The following KALRN variants were observed in gnomAD, a reference collection of about 807,000 sequenced individuals.
KALRN encodes kalirin RhoGEF kinase.
Under a neutral mutation model 353.7 loss-of-function variants are expected in KALRN, and 70 were observed. That is an observed-to-expected ratio of 0.20 (90% CI 0.16 to 0.24). The LOEUF is 0.24. Ranked by LOEUF, KALRN falls within the 10% of genes least tolerant of loss-of-function variation. The pLI, the probability that KALRN is intolerant of heterozygous loss-of-function variation, is 1.00. For missense variants in KALRN, 2,791 were observed against 3,756.7 expected, an observed-to-expected ratio of 0.74 and a Z score of 6.72; for synonymous variants, 1,391 against 1,434.8, an observed-to-expected ratio of 0.97 and a Z score of 0.69.
chr3:124,486,556 A>G (rs2062592470), intron 28 of KALRN, among the ~76,000 whole-genome samples: 1 of 152,190 alleles, frequency 6.6e-6, no homozygotes, highest in African/African-American at 2.4e-5. Flanking sequence ...AAGCTCCCTT[A>G]TTCCTAGGGG....
rs553946884 is a variant in KALRN at position 124,471,621 on chromosome 3, C to A, written c.4032-3042C>A. ...CCAAGTGTGAATGCTGATTCTTTAA[C>A]TTGTGCTCAGTTGTGGGAGGGGAAG... On this transcript the variant is annotated intron_variant, in intron 25 of 59. Transcript: ENST00000682506. Among the ~76,000 whole-genome samples, 8 of 152,140 alleles carry A rather than the reference C, an allele frequency of 5.3e-5. No individual in the cohort carries two copies. In the East Asian group the frequency reaches 1.5e-3, roughly 29 times the overall value.
chr3:124,663,958 G>C (rs78704448), intron 45 of KALRN, among the ~76,000 whole-genome samples: 1 of 152,210 alleles, frequency 6.6e-6, no homozygotes, highest in East Asian at 1.9e-4. Flanking sequence ...TTCATGCTTT[G>C]CTGTGACAGG....
At chr3:124,545,796 T>C (rs1233196421) in intron 33 of KALRN, among the ~76,000 whole-genome samples, 1 of 152,204 alleles carries the variant, frequency 6.6e-6, no homozygotes, top group Non-Finnish European at 1.5e-5. Context: ...TGATGCTTCT[T>C]TGATGTCCTA....
intron 55 of KALRN, 146 bp from the exon 56 acceptor site, chr3:124,699,723 C>CTGT: frequency 1.4e-6 from 1 of 715,812 alleles, no homozygotes; most frequent in East Asian, 2.7e-5. Flanking sequence ...CCATAGTTAG[C>CTGT]CTACAGGCTT....
At chr3:124,664,563 A>G (rs915574297) in intron 45 of KALRN, among the ~76,000 whole-genome samples, 2 of 151,996 alleles carry the variant, frequency 1.3e-5, no homozygotes, top group African/African-American at 2.4e-5. Context: ...GGCAGGCGCC[A>G]CCACGCCTGG....
At chr3:124,235,836 T>A (rs2079690548) in intron 3 of KALRN, among the ~76,000 whole-genome samples, 1 of 152,250 alleles carries the variant, frequency 6.6e-6, no homozygotes, top group Non-Finnish European at 1.5e-5. Flanking sequence ...CTTGTCTCTG[T>A]GCATTTTATA....
intron 58 of KALRN, among the ~76,000 whole-genome samples, chr3:124,714,622 G>A (rs1005600680): frequency 3.9e-5 from 6 of 152,208 alleles, no homozygotes; most frequent in Non-Finnish European, 8.8e-5. Context: ...CGTTTACTGA[G>A]CCCTCGCTAT....
intron 25 of KALRN, among the ~76,000 whole-genome samples, chr3:124,470,107 A>C (rs73858501): frequency 6.6e-6 from 1 of 152,212 alleles, no homozygotes; most frequent in Non-Finnish European, 1.5e-5. Context: ...AAATTATAAT[A>C]ATTTAATAGA....
At chr3:124,582,596 T>A (rs774049311) in intron 34 of KALRN, among the ~76,000 whole-genome samples, 2 of 152,202 alleles carry the variant, frequency 1.3e-5, no homozygotes, top group Non-Finnish European at 2.9e-5. Flanking sequence ...AACAGGACAC[T>A]ACTTTACAAG....
At chr3:124,295,139 T>C (rs2076748945) in intron 5 of KALRN, among the ~76,000 whole-genome samples, 1 of 152,238 alleles carries the variant, frequency 6.6e-6, no homozygotes, top group African/African-American at 2.4e-5. Flanking sequence ...GAGGATTATA[T>C]GCTAGTAGGC....
chr3:124,549,826 T>A (rs1473891817), intron 33 of KALRN, among the ~76,000 whole-genome samples: 1 of 151,962 alleles, frequency 6.6e-6, no homozygotes, highest in Non-Finnish European at 1.5e-5. Flanking sequence ...ACAATTGAGA[T>A]GGAACATTGC....
intron 1 of KALRN, among the ~76,000 whole-genome samples, chr3:124,072,202 C>T (rs2060050768): frequency 6.6e-6 from 1 of 152,152 alleles, no homozygotes; most frequent in Non-Finnish European, 1.5e-5. Flanking sequence ...TAAATACAAT[C>T]CAGGAACATA....
chr3:124,545,055 C>T (rs1474061590), intron 33 of KALRN, among the ~76,000 whole-genome samples: 1 of 152,176 alleles, frequency 6.6e-6, no homozygotes. Flanking sequence ...AGGGAGCCCA[C>T]TTAAATTTTA....
chr3:124,552,257 G>T (rs748388022), intron 33 of KALRN, among the ~76,000 whole-genome samples: 1 of 152,122 alleles, frequency 6.6e-6, no homozygotes, highest in African/African-American at 2.4e-5. Flanking sequence ...AAGTCACCCC[G>T]CTCCCAGCCA....
chr3:124,147,788 T>C (rs562781417), intron 1 of KALRN, among the ~76,000 whole-genome samples: 23 of 152,348 alleles, frequency 1.5e-4, no homozygotes, highest in African/African-American at 4.1e-4. Flanking sequence ...AGCCAGGTCA[T>C]ATCCAGAAAT....
intron 1 of KALRN, among the ~76,000 whole-genome samples, chr3:124,172,973 A>G (rs1166000098): frequency 6.6e-6 from 1 of 152,182 alleles, no homozygotes; most frequent in East Asian, 1.9e-4. Flanking sequence ...AGCTGCTGCA[A>G]TCAGCCTGCA....
At chr3:124,349,875 G>A (rs1448290509) in intron 10 of KALRN, among the ~76,000 whole-genome samples, 2 of 152,266 alleles carry the variant, frequency 1.3e-5, no homozygotes, top group Middle Eastern at 3.4e-3. Context: ...TTTCTAGGCT[G>A]TTAGGGGGCA....
chr3:124,536,727 A>T (rs1460830676), intron 33 of KALRN, among the ~76,000 whole-genome samples: 1 of 152,196 alleles, frequency 6.6e-6, no homozygotes, highest in Non-Finnish European at 1.5e-5. Flanking sequence ...TAACATTTAA[A>T]ATATATTTTA....
chr3:124,153,657 G>A (rs1229167126), intron 1 of KALRN, among the ~76,000 whole-genome samples: 2 of 151,388 alleles, frequency 1.3e-5, no homozygotes, highest in Non-Finnish European at 2.9e-5. Context: ...TGGGTCAAAT[G>A]GTATTTCTAG....
Sources: allele counts gnomAD v4.1 joint callset (sites outside exome capture counted in the v4.1 genomes callset), GRCh38; gene constraint gnomAD v4.1.1; transcripts MANE v1.5; gene names NCBI Gene and HGNC (gene_info 2026-07-23, HGNC 2026-07-21).